CLSTN2: variants seen among roughly 807,000 people sequenced by gnomAD.
CLSTN2 encodes the protein calsyntenin-2.
In CLSTN2, 48 loss-of-function variants were observed where a neutral mutation model predicts 101.2. The ratio of observed to expected loss-of-function variants is 0.47; its 90% CI spans 0.38 to 0.60. CLSTN2 has a LOEUF of 0.60. CLSTN2 is among the 20% of genes least tolerant of loss of function. The pLI, the probability that CLSTN2 is intolerant of heterozygous loss-of-function variation, is 0.00. For synonymous variants in CLSTN2, 481 were observed against 463.6 expected (o/e 1.04, Z -0.48); for missense variants, 1,160 against 1,238.2 (o/e 0.94, Z 0.95).
chr3:140,385,461 C>T (rs1576543244), intron 2 of CLSTN2, among the ~76,000 whole-genome samples: 2 of 149,382 alleles, frequency 1.3e-5, no homozygotes, highest in Non-Finnish European at 1.5e-5. Context: ...CTCCTCCTCC[C>T]GGGTTCACGC....
chr3:140,424,720 G>A (rs1365006913), intron 5 of CLSTN2, among the ~76,000 whole-genome samples: 1 of 152,218 alleles, frequency 6.6e-6, no homozygotes, highest in African/African-American at 2.4e-5. Context: ...TTTTCATGGA[G>A]CCAGTATGGG....
intron 1 of CLSTN2, among the ~76,000 whole-genome samples, chr3:140,068,690 T>A (rs1162960304): frequency 6.6e-6 from 1 of 152,252 alleles, no homozygotes; most frequent in African/African-American, 2.4e-5. Context: ...GTGGACAGTG[T>A]CTGAAATTAT....
chr3:140,112,990 T>C (rs541174127), intron 1 of CLSTN2, among the ~76,000 whole-genome samples: 31 of 152,250 alleles, frequency 2.0e-4, no homozygotes, highest in African/African-American at 7.5e-4. Flanking sequence ...GGCCCTAACA[T>C]GCCAGAACCA....
At chr3:140,177,781 A>T (rs900013740) in intron 2 of CLSTN2, among the ~76,000 whole-genome samples, 2 of 152,198 alleles carry the variant, frequency 1.3e-5, no homozygotes, top group African/African-American at 4.8e-5. Flanking sequence ...TGTGTGACAG[A>T]GCAAAAAATA....
intron 8 of CLSTN2, among the ~76,000 whole-genome samples, chr3:140,473,152 T>C (rs1403701377): frequency 6.6e-6 from 1 of 152,228 alleles, no homozygotes; most frequent in Non-Finnish European, 1.5e-5. Flanking sequence ...GCCAGTGTGC[T>C]GGCACCCAGC....
At chr3:140,207,871 C>A (rs1177050147) in intron 2 of CLSTN2, among the ~76,000 whole-genome samples, 1 of 152,056 alleles carries the variant, frequency 6.6e-6, no homozygotes, top group African/African-American at 2.4e-5. Context: ...AAAGTTGCTG[C>A]CACATTTTAT....
rs2010596425 is a variant in CLSTN2, at chr3:140,193,197, A to G, written c.232+17124A>G. On this transcript the variant is annotated intron_variant, in intron 2 of 16. Transcript: ENST00000458420. Reference sequence around the variant, plus strand: ...AGGAGAAGGAAGGGCTTTTGTATTTACCATTATTTTTGCTTATCTTGTTCT... The same window carrying G: ...AGGAGAAGGAAGGGCTTTTGTATTTGCCATTATTTTTGCTTATCTTGTTCT... Among the ~76,000 whole-genome samples, 3 of 143,832 alleles carry G rather than the reference A, an allele frequency of 2.1e-5. No individual in the cohort carries two copies. The South Asian group carries it at 6.7e-4, about 32-fold the overall frequency. 94.4% of individuals were successfully genotyped at this position (143,832 alleles called of 152,430 possible). A position where few individuals can be genotyped will look rare whatever the true frequency, so the allele number is the denominator to read the frequency against.
At chr3:140,001,605 C>T (rs981334791) in intron 1 of CLSTN2, among the ~76,000 whole-genome samples, 2 of 152,014 alleles carry the variant, frequency 1.3e-5, no homozygotes, top group African/African-American at 4.8e-5. Context: ...GCCATTTATC[C>T]TTTGTGTTAC....
intron 2 of CLSTN2, among the ~76,000 whole-genome samples, chr3:140,274,826 C>T (rs1024608872): frequency 5.3e-5 from 8 of 152,112 alleles, no homozygotes; most frequent in South Asian, 4.1e-4. Flanking sequence ...AGAGAGCAAG[C>T]GGGTCAGAAT....
intron 8 of CLSTN2, among the ~76,000 whole-genome samples, chr3:140,479,684 C>T (rs888900411): frequency 1.3e-5 from 2 of 152,036 alleles, no homozygotes; most frequent in African/African-American, 4.8e-5. Context: ...TGGAAAAATA[C>T]AATATCTAAA....
chr3:140,337,678 C>A (rs1227771509), intron 2 of CLSTN2, among the ~76,000 whole-genome samples: 1 of 152,132 alleles, frequency 6.6e-6, no homozygotes, highest in Non-Finnish European at 1.5e-5. Context: ...ACCACCAGGT[C>A]ATGGGGCTGG....
chr3:140,199,665 C>T (rs1243179110), intron 2 of CLSTN2, among the ~76,000 whole-genome samples: 2 of 152,280 alleles, frequency 1.3e-5, no homozygotes, highest in East Asian at 3.9e-4. Flanking sequence ...CCAGATTTTC[C>T]ACACTTGACT....
intron 5 of CLSTN2, among the ~76,000 whole-genome samples, chr3:140,426,979 G>T (rs752298473): frequency 6.6e-6 from 1 of 151,510 alleles, no homozygotes; most frequent in Non-Finnish European, 1.5e-5. Context: ...GTTTGAAACC[G>T]GCCTGGCCAA....
chr3:140,117,004 C>T (rs187696923), intron 1 of CLSTN2, among the ~76,000 whole-genome samples: 77 of 152,220 alleles, frequency 5.1e-4, no homozygotes, highest in Non-Finnish European at 8.2e-4. Context: ...TATTCTGGAG[C>T]CCCCCTTTCC....
Position 140,562,855 on chromosome 3 carries a change from C to T in CLSTN2, c.2257C>T (p.Arg753Cys), listed in dbSNP as rs748856195. 2.5e-5 allele frequency: 40 copies of T among 1,613,996 alleles called. No homozygotes were observed. Among genetic ancestry groups the T allele is most frequent in the African/African-American group, 9.3e-5 (7 of 74,926 alleles). ...CTATGAGCAGGTGCTACATCACATC[C>T]GCTACCGCAACTGGCGTCCGGCTTC... Reference protein sequence around the residue: ...SRYEQVLHHIRYRNWRPASLE... With the variant: ...SRYEQVLHHICYRNWRPASLE... Residue 753 changes from arginine (R) to cysteine (C), a missense_variant, in exon 14 of 17, where the codon CGC (arginine) becomes TGC (cysteine). Transcript: ENST00000458420.
intron 1 of CLSTN2, among the ~76,000 whole-genome samples, chr3:140,058,828 A>G (rs1348196782): frequency 6.7e-6 from 1 of 149,128 alleles, no homozygotes; most frequent in East Asian, 2.0e-4. Flanking sequence ...TGAAGGTGAG[A>G]GGGGGTAGGT....
intron 8 of CLSTN2, among the ~76,000 whole-genome samples, chr3:140,498,869 T>C (rs1934517810): frequency 6.6e-6 from 1 of 152,154 alleles, no homozygotes; most frequent in South Asian, 2.1e-4. Context: ...TTGGTTACTA[T>C]TGTCATTGGA....
intron 2 of CLSTN2, among the ~76,000 whole-genome samples, chr3:140,236,373 T>A (rs940048602): frequency 6.6e-6 from 1 of 152,210 alleles, no homozygotes; most frequent in Non-Finnish European, 1.5e-5. Flanking sequence ...AATCTTAGTT[T>A]ATGTGTAATT....
chr3:140,420,755 C>A (rs570778491), intron 4 of CLSTN2, among the ~76,000 whole-genome samples: 1 of 152,310 alleles, frequency 6.6e-6, no homozygotes, highest in South Asian at 2.1e-4. Context: ...CCAGAGATAT[C>A]CTTGCAGATG....
Sources: gnomAD v4.1 joint callset for allele counts (sites outside exome capture counted in the v4.1 genomes callset) on GRCh38, gnomAD v4.1.1 for gene constraint, MANE v1.5 for transcripts, NCBI Gene and HGNC (gene_info 2026-07-23, HGNC 2026-07-21) for gene names.